TAS1R3: variants seen among roughly 807,000 people sequenced by gnomAD.
TAS1R3 encodes taste 1 receptor member 3.
A neutral mutation model predicts 46.1 loss-of-function variants in TAS1R3; 58 were observed. That is an observed-to-expected ratio of 1.26 (90% CI 1.02 to 1.57). The LOEUF is 1.57. Among genes scored for constraint, TAS1R3 ranks in the 40% most tolerant of loss-of-function variants. TAS1R3 has a pLI of 0.00. For missense variants in TAS1R3, 1,422 were observed against 1,185.8 expected (o/e 1.20, Z -2.93); for synonymous variants, 724 against 544.7 (o/e 1.33, Z -4.58).
chr1:1,333,243 C>G lies in TAS1R3; in HGVS notation c.1480-16C>G, dbSNP rs372841042. 963 of 1,598,674 alleles carry G rather than the reference C, an allele frequency of 6.0e-4. 4 individuals are homozygous for G. The highest frequency in any genetic ancestry group is 4.3e-3 in the Middle Eastern group (26 of 6,042). On this transcript the variant is annotated splice_polypyrimidine_tract_variant and intron_variant, in intron 4 of 5. Transcript: ENST00000339381. The stretch of plus-strand genomic sequence containing the variant: ...ATGCCCAGCCGAGCAGAGCCAGACC[C>G]CAGGCCTGTGCGCAGAAGCCCGTGT...
In TAS1R3 at chr1:1,334,434, G is replaced by A. The variant is rs756382374; in HGVS notation, c.2529G>A (p.Gly843=). Residue 843 remains glycine, a synonymous_variant, in exon 6 of 6, where the codon GGG becomes GGA. Transcript: ENST00000339381. ...GGGATGCCCAAGGCCAGAATGACGGGAACACAGGAAATCAGGGGAAACATG... is the reference window on the plus strand; with the variant it reads ...GGGATGCCCAAGGCCAGAATGACGGAAACACAGGAAATCAGGGGAAACATG... ...GPGDAQGQND[G]NTGNQGKHE 12 of 1,588,504 alleles carry A rather than the reference G, an allele frequency of 7.6e-6. No individual in the cohort carries two copies. The Admixed American group carries it at 1.9e-4, about 25-fold the overall frequency.
chr1:1,331,302 G>C lies in TAS1R3; in HGVS notation c.-44G>C, dbSNP rs756957488. 1.3e-6 allele frequency: 2 copies of C among 1,523,312 alleles called. No individual in the cohort carries two copies. Among genetic ancestry groups the C allele is most frequent in the Non-Finnish European group, 1.8e-6 (2 of 1,137,442 alleles). 94.4% of individuals were successfully genotyped at this position (1,523,312 alleles called of 1,614,324 possible). A position where few individuals can be genotyped will look rare whatever the true frequency, so the allele number is the denominator to read the frequency against. On this transcript the variant is annotated 5_prime_UTR_variant, in exon 1 of 6. Coordinates refer to ENST00000339381, the MANE Select transcript of TAS1R3 (RefSeq NM_152228.3). ...CGGGCTCACTCCATGTGAGGCCCCAGTCGGGGCAGCCACCTGCCGTGCCTG... is the reference window on the plus strand; with the variant it reads ...CGGGCTCACTCCATGTGAGGCCCCACTCGGGGCAGCCACCTGCCGTGCCTG...
In TAS1R3 at chr1:1,331,435, G is replaced by A. The variant is rs145800311; in HGVS notation, c.90G>A (p.Arg30=). ...CATTGTGCCTGTCACAGCAACTTAG[G>A]ATGAAGGGGGACTACGTGCTGGGGG... ...GAPLCLSQQL[R]MKGDYVLGGL... Residue 30 remains arginine, a synonymous_variant, in exon 1 of 6, where the codon AGG becomes AGA. Coordinates refer to ENST00000339381, the MANE Select transcript of TAS1R3 (RefSeq NM_152228.3). 11 of 1,604,538 alleles carry A rather than the reference G, an allele frequency of 6.9e-6. No homozygotes were observed. In the Admixed American group the frequency reaches 1.2e-4, roughly 18 times the overall value.
Position 1,333,036 on chromosome 1 carries a change from C to A in TAS1R3, c.1391C>A (p.Ser464Ter), listed in dbSNP as rs758513155. The A allele has an allele frequency of 6.2e-7, 1 of 1,612,618 alleles. No homozygotes were observed. The highest frequency in any genetic ancestry group is 1.3e-5 in the African/African-American group (1 of 74,924). ...CTGAAGCTGTGGGTGTGGCAGGGCT[C>A]AGTGCCCAGGCTCCACGACGTGGGC... ...YDLKLWVWQG[S>*]VPRLHDVGRF... Residue 464 changes from serine to a stop codon, truncating the protein, a stop_gained, in exon 4 of 6, where the codon TCA becomes TAA. Coordinates refer to ENST00000339381, the MANE Select transcript of TAS1R3 (RefSeq NM_152228.3). LOFTEE classifies it high-confidence loss of function.
In TAS1R3 at chr1:1,334,086, G is replaced by A. The variant is rs746761454; in HGVS notation, c.2181G>A (p.Trp727Ter). 1.4e-5 allele frequency: 22 copies of A among 1,591,516 alleles called. No homozygotes were observed. Among genetic ancestry groups the A allele is most frequent in the Non-Finnish European group, 1.7e-5 (20 of 1,171,042 alleles). The change falls in exon 6 of 6, where the codon TGG becomes TGA. Residue 727 changes from tryptophan (W) to a stop codon, truncating the protein, a stop_gained. Transcript: ENST00000339381. LOFTEE classifies it low-confidence loss of function (END_TRUNC). The stretch of plus-strand genomic sequence containing the variant: ...TGGTGCACTGCCGCACACGCTCCTG[G>A]GTCAGCTTCGGCCTAGCGCACGCCA... ...EALVHCRTRS[W>*]VSFGLAHATN...
At position 1,332,647 on chromosome 1, in the gene TAS1R3, G is replaced by A. The variant is rs199886617; in HGVS notation, c.1116G>A (p.Gln372=). The change falls in exon 3 of 6, where the codon CAG becomes CAA. Residue 372 remains glutamine (Q), a synonymous_variant. Transcript: ENST00000339381. ...ACGTGGTGGGCCAGCGCTGCCCGCA[G>A]TGTGACTGCATCACGCTGCAGAACG... ...EEDVVGQRCP[Q]CDCITLQNVS... 50 of 1,608,116 alleles carry A rather than the reference G, an allele frequency of 3.1e-5. No individual in the cohort carries two copies. In the East Asian group the frequency reaches 6.0e-4, roughly 19 times the overall value.
At chr1:1,333,150 C>G (rs752529170) in intron 4 of TAS1R3, 26 bp downstream of exon 4, 2 of 1,603,886 alleles carry the variant, frequency 1.2e-6, no homozygotes, top group South Asian at 2.2e-5. Context: ...GTGTGCCAGG[C>G]GTGCCCGTGG....
chr1:1,333,116 G>C lies in TAS1R3; in HGVS notation c.1471G>C (p.Asp491His), dbSNP rs1358129448. 5 of 1,611,248 alleles carry C rather than the reference G, an allele frequency of 3.1e-6. No homozygotes were observed. The African/African-American group carries it at 6.7e-5, about 22-fold the overall frequency. The change falls in exon 4 of 6, where the codon GAC (aspartate) becomes CAC (histidine). Residue 491 changes from aspartate (D) to histidine (H), a missense_variant. Asp to His is a moderately conservative substitution (Grantham distance 81). Transcript: ENST00000339381. ...ERLKIRWHTS[D>H]NQKPVSRCSR... ...CCTGAAGATCCGCTGGCACACGTCT[G>C]ACAACCAGGTGAGGTGAGGGTGGGT... is the stretch of plus-strand genomic sequence containing the variant.
rs1170578336 is a variant in TAS1R3, at chr1:1,331,859, TGCTG to T, written c.418_421del (p.Ala140SerfsTer34). 1 of 1,612,920 alleles carries T rather than the reference TGCTG, an allele frequency of 6.2e-7. No individual in the cohort carries two copies. Among genetic ancestry groups the T allele is most frequent in the Non-Finnish European group, 8.5e-7 (1 of 1,180,022 alleles). On this transcript the variant is annotated frameshift_variant, in exon 2 of 6. Transcript: ENST00000339381. LOFTEE classifies it high-confidence loss of function. ...AACTACACGCAGTACCAGCCCCGTG[TGCTG>T]GCTGTCATCGGGCCCCACTCGTCAG...
At position 1,332,261 on chromosome 1, in the gene TAS1R3, C is replaced by T; in HGVS notation, c.730C>T (p.Pro244Ser). The T allele has an allele frequency of 6.3e-7, 1 of 1,598,412 alleles. No homozygotes were observed. Among genetic ancestry groups the T allele is most frequent in the Non-Finnish European group, 8.5e-7 (1 of 1,176,950 alleles). The change falls in exon 3 of 6, where the codon CCG (proline) becomes TCG (serine). Residue 244 changes from proline (P) to serine (S), a missense_variant. Coordinates refer to ENST00000339381, the MANE Select transcript of TAS1R3 (RefSeq NM_152228.3). ...CTGCATCGCGCACGAGGGCCTGGTGCCGCTGCCCCGTGCCGATGACTCGCG... is the reference window on the plus strand; with the variant it reads ...CTGCATCGCGCACGAGGGCCTGGTGTCGCTGCCCCGTGCCGATGACTCGCG... ...GICIAHEGLVPLPRADDSRLG... is the reference protein window; with the variant it reads ...GICIAHEGLVSLPRADDSRLG...
Position 1,331,456 on chromosome 1 carries a change from G to T in TAS1R3, c.111G>T (p.Leu37=). The T allele has an allele frequency of 6.2e-7, 1 of 1,604,384 alleles. No individual in the cohort carries two copies. Residue 37 remains leucine (L), a synonymous_variant, in exon 1 of 6, where the codon CTG becomes CTT. Coordinates refer to ENST00000339381, the MANE Select transcript of TAS1R3 (RefSeq NM_152228.3). The part of the protein sequence containing the change: ...QQLRMKGDYV[L]GGLFPLGEAE... ...TTAGGATGAAGGGGGACTACGTGCT[G>T]GGGGGGCTGTTCCCCCTGGGCGAGG...
chr1:1,333,572 G>A lies in TAS1R3; in HGVS notation c.1667G>A (p.Arg556His), dbSNP rs779146860. ...CCGGAGCGAAGCACACGCTGCTTCC[G>A]CCGCAGGTCTCGGTTCCTGGCATGG... ...WSPERSTRCF[R>H]RRSRFLAWGE... The change falls in exon 6 of 6, where the codon CGC becomes CAC. Residue 556 changes from arginine (R) to histidine (H), a missense_variant. Transcript: ENST00000339381. 28 of 1,606,048 alleles carry A rather than the reference G, an allele frequency of 1.7e-5. No individual in the cohort carries two copies. Among genetic ancestry groups the A allele is most frequent in the African/African-American group, 5.3e-5 (4 of 74,920 alleles).
At chr1:1,332,858 A>C (rs1443313337) in intron 3 of TAS1R3, 52 bp downstream of exon 3, 1 of 1,587,786 alleles carries the variant, frequency 6.3e-7, no homozygotes, top group Admixed American at 1.7e-5. Context: ...CCAGGCCACC[A>C]GGCACGGCCA....
rs757581899 is a variant in TAS1R3 at position 1,333,489 on chromosome 1, C to G, written c.1601-17C>G. 5 of 1,600,050 alleles carry G rather than the reference C, an allele frequency of 3.1e-6. No homozygotes were observed. In the South Asian group the frequency reaches 4.4e-5, roughly 14 times the overall value. On this transcript the variant is annotated splice_polypyrimidine_tract_variant and intron_variant, in intron 5 of 5. Coordinates refer to ENST00000339381, the MANE Select transcript of TAS1R3 (RefSeq NM_152228.3). Reference sequence around the variant, plus strand: ...GGGTACAAGACGAACACCCAGCGCCCTTCTCCTCTCTCACAGACGACATCG... The same window carrying G: ...GGGTACAAGACGAACACCCAGCGCCGTTCTCCTCTCTCACAGACGACATCG...
chr1:1,332,749 C>G lies in TAS1R3; in HGVS notation c.1218C>G (p.Asn406Lys). Residue 406 changes from asparagine to lysine, a missense_variant, in exon 3 of 6, where the codon AAC (asparagine) becomes AAG (lysine). By Grantham distance (94) the Asn-to-Lys change is moderately conservative. Coordinates refer to ENST00000339381, the MANE Select transcript of TAS1R3 (RefSeq NM_152228.3). ...AVYSVAQALH[N>K]TLQCNASGCP... ...ATAGCGTGGCCCAGGCCCTGCACAACACTCTTCAGTGCAACGCCTCAGGCT... is the reference window on the plus strand; with the variant it reads ...ATAGCGTGGCCCAGGCCCTGCACAAGACTCTTCAGTGCAACGCCTCAGGCT... The G allele has an allele frequency of 6.2e-7, 1 of 1,605,534 alleles. No individual in the cohort carries two copies. Among genetic ancestry groups the G allele is most frequent in the South Asian group, 1.1e-5 (1 of 91,074 alleles).
In TAS1R3 at chr1:1,333,571, C is replaced by T. The variant is rs147800619; in HGVS notation, c.1666C>T (p.Arg556Cys). 1.2e-4 allele frequency: 195 copies of T among 1,606,048 alleles called. No homozygotes were observed. The highest frequency in any genetic ancestry group is 2.4e-4 in the South Asian group (22 of 91,072). ...CCCGGAGCGAAGCACACGCTGCTTC[C>T]GCCGCAGGTCTCGGTTCCTGGCATG... ...WSPERSTRCF[R>C]RRSRFLAWGE... Residue 556 changes from arginine (R) to cysteine (C), a missense_variant, in exon 6 of 6, where the codon CGC (arginine) becomes TGC (cysteine). Physicochemically the swap from Arg to Cys is radical, Grantham distance 180. Transcript: ENST00000339381.
At position 1,334,332 on chromosome 1, in the gene TAS1R3, C is replaced by T; in HGVS notation, c.2427C>T (p.Phe809=). 5.0e-6 allele frequency: 8 copies of T among 1,611,832 alleles called. No individual in the cohort carries two copies. Among genetic ancestry groups the T allele is most frequent in the Non-Finnish European group, 6.8e-6 (8 of 1,179,378 alleles). ...GTGTCCTGGGCATCCTGGCTGCCTTCCACCTGCCCAGGTGTTACCTGCTCA... is the reference window on the plus strand; with the variant it reads ...GTGTCCTGGGCATCCTGGCTGCCTTTCACCTGCCCAGGTGTTACCTGCTCA... ...LLCVLGILAA[F]HLPRCYLLMR... is the part of the protein sequence containing the mutation. Residue 809 remains phenylalanine, a synonymous_variant, in exon 6 of 6, where the codon TTC becomes TTT. Coordinates refer to ENST00000339381, the MANE Select transcript of TAS1R3 (RefSeq NM_152228.3).
At position 1,332,994 on chromosome 1, in the gene TAS1R3, T is replaced by G. The variant is rs1481634259; in HGVS notation, c.1349T>G (p.Val450Gly). ...LPLRFDSSGN[V>G]DMEYDLKLWV... The stretch of plus-strand genomic sequence containing the variant: ...CTGCGGTTCGACAGCAGCGGAAACG[T>G]GGACATGGAGTACGACCTGAAGCTG... The change falls in exon 4 of 6, where the codon GTG (valine) becomes GGG (glycine). Residue 450 changes from valine (V) to glycine (G), a missense_variant. By Grantham distance (109) the Val-to-Gly change is moderately radical. Coordinates refer to ENST00000339381, the MANE Select transcript of TAS1R3 (RefSeq NM_152228.3). 2.5e-6 allele frequency: 4 copies of G among 1,612,726 alleles called. No individual in the cohort carries two copies. Among genetic ancestry groups the G allele is most frequent in the Admixed American group, 1.7e-5 (1 of 60,022 alleles).
At chr1:1,331,608 G>A (rs1215980127) in intron 1 of TAS1R3, 30 bp from the exon 2 acceptor site, 1 of 1,606,226 alleles carries the variant, frequency 6.2e-7, no homozygotes, top group Non-Finnish European at 8.5e-7. Context: ...TGGGGCCGAG[G>A]TGGCCATCTG....
Sources: allele counts gnomAD v4.1 joint callset, GRCh38; gene constraint gnomAD v4.1.1; transcripts MANE v1.5; gene names NCBI Gene and HGNC (gene_info 2026-07-23, HGNC 2026-07-21).